LSR: variants seen among roughly 807,000 people sequenced by gnomAD.
LSR encodes the protein lipolysis-stimulated lipoprotein receptor.
Under a neutral mutation model 61.8 loss-of-function variants are expected in LSR, and 44 were observed. The ratio of observed to expected loss-of-function variants is 0.71; its 90% confidence interval spans 0.56 to 0.91. The LOEUF is 0.91. Ranked by LOEUF, LSR falls within the 40% of genes least tolerant of loss-of-function variation. LSR has a pLI of 0.00. For synonymous variants in LSR, 397 were observed against 350.6 expected (o/e 1.13, Z -1.48); for missense variants, 911 against 830.5 (o/e 1.10, Z -1.19).
chr19:35,249,157 T>C, intron 1 of LSR, 26 bp downstream of exon 1: 1 of 1,516,294 alleles, frequency 6.6e-7, no homozygotes, highest in Non-Finnish European at 8.8e-7. Flanking sequence ...CCTCTGACGC[T>C]GCGGAACGCC....
intron 3 of LSR, among the ~76,000 whole-genome samples, chr19:35,259,816 C>T (rs1315836859): frequency 2.6e-5 from 4 of 152,216 alleles, no homozygotes. Flanking sequence ...ATGGCACACA[C>T]ACTGTGTAAG....
At chr19:35,254,249 A>G (rs1180968649) in intron 2 of LSR, among the ~76,000 whole-genome samples, 2 of 152,092 alleles carry the variant, frequency 1.3e-5, no homozygotes, top group African/African-American at 4.8e-5. Context: ...GCACACCACC[A>G]CACCTGGCTA....
chr19:35,250,421 G>A lies in LSR; in HGVS notation c.216G>A (p.Thr72=), dbSNP rs202026383. The A allele has an allele frequency of 1.9e-6, 3 of 1,613,876 alleles. No individual in the cohort carries two copies. The highest frequency in any genetic ancestry group is 1.3e-5 in the African/African-American group (1 of 74,964). The change falls in exon 2 of 10, where the codon ACG becomes ACA. Residue 72 remains threonine, a synonymous_variant. Transcript: ENST00000605618. ...CCTACCAGATGACCTCGACCCCCAC[G>A]CAACCCATCGTCATCTGGAAGTACA... ...PCTYQMTSTP[T]QPIVIWKYKS...
chr19:35,267,297 T>C lies in LSR; in HGVS notation c.1333T>C (p.Ser445Pro). The C allele has an allele frequency of 6.5e-7, 1 of 1,538,066 alleles. No individual in the cohort carries two copies. The highest frequency in any genetic ancestry group is 8.8e-7 in the Non-Finnish European group (1 of 1,141,276). ...GWRARRPRAR[S>P]VDALDDLTPP... ...GCGGGCCAGGCGGCCCCGGGCCCGC[T>C]CCGTGGACGCCCTGGACGACCTCAC... Residue 445 changes from serine (S) to proline (P), a missense_variant, in exon 9 of 10, where the codon TCC becomes CCC. Transcript: ENST00000605618.
intron 8 of LSR, 44 bp downstream of exon 8, chr19:35,267,011 G>A (rs1395043196): frequency 2.5e-6 from 4 of 1,581,726 alleles, no homozygotes; most frequent in South Asian, 1.2e-5. Flanking sequence ...AGGTGGGGGG[G>A]TGAAACATGT....
At chr19:35,252,036 G>C (rs972895963) in intron 2 of LSR, among the ~76,000 whole-genome samples, 3 of 150,394 alleles carry the variant, frequency 2.0e-5, no homozygotes, top group Non-Finnish European at 4.4e-5. Context: ...GGGTTTCACC[G>C]TTTTAGCCGG....
chr19:35,257,900 G>C (rs1211289243), intron 2 of LSR, among the ~76,000 whole-genome samples: 1 of 152,126 alleles, frequency 6.6e-6, no homozygotes, highest in Non-Finnish European at 1.5e-5. Context: ...CCCAAGCCCT[G>C]GGCCTGACCT....
Position 35,267,585 on chromosome 19 carries a change from C to G in LSR, c.1621C>G (p.Arg541Gly), listed in dbSNP as rs151048240. ...GTCCGGGGACCTCCCCTATGATGGG[C>G]GGCTACTGGAGGAGGCTGTGAGGAA... Reference protein sequence around the residue: ...SRSGDLPYDGRLLEEAVRKKG... With the variant: ...SRSGDLPYDGGLLEEAVRKKG... The change falls in exon 9 of 10, where the codon CGG (arginine) becomes GGG (glycine). Residue 541 changes from arginine to glycine, a missense_variant. Physicochemically the swap from Arg to Gly is moderately radical, Grantham distance 125. Coordinates refer to ENST00000605618, the MANE Select transcript of LSR (RefSeq NM_205834.4). 1 of 1,611,930 alleles carries G rather than the reference C, an allele frequency of 6.2e-7. No homozygotes were observed. The highest frequency in any genetic ancestry group is 1.3e-5 in the African/African-American group (1 of 74,908).
In LSR at chr19:35,267,627, A is replaced by T; in HGVS notation, c.1663A>T (p.Arg555Trp). 3 of 1,611,930 alleles carry T rather than the reference A, an allele frequency of 1.9e-6. No individual in the cohort carries two copies. Among genetic ancestry groups the T allele is most frequent in the Non-Finnish European group, 2.5e-6 (3 of 1,179,364 alleles). ...TGTGAGGAAGAAGGGGTCGGAGGAGAGGAGGAGACCCCACAAGGAGGAGGA... is the reference window on the plus strand; with the variant it reads ...TGTGAGGAAGAAGGGGTCGGAGGAGTGGAGGAGACCCCACAAGGAGGAGGA... ...EAVRKKGSEE[R>W]RRPHKEEEEE... Residue 555 changes from arginine (R) to tryptophan (W), a missense_variant, in exon 9 of 10, where the codon AGG (arginine) becomes TGG (tryptophan). Arg to Trp is a moderately radical substitution (Grantham distance 101). Coordinates refer to ENST00000605618, the MANE Select transcript of LSR (RefSeq NM_205834.4).
At chr19:35,261,904 G>C in intron 3 of LSR, 21 bp from the exon 4 acceptor site, 2 of 1,439,802 alleles carry the variant, frequency 1.4e-6, no homozygotes, top group Non-Finnish European at 1.8e-6. Flanking sequence ...AGCATAATCT[G>C]TTTCTCTTTT....
chr19:35,250,027 A>G (rs2065769698), intron 1 of LSR, among the ~76,000 whole-genome samples: 2 of 152,156 alleles, frequency 1.3e-5, no homozygotes, highest in African/African-American at 4.8e-5. Flanking sequence ...GGCAAAGGGA[A>G]GAGGGGACTG....
chr19:35,260,291 CTTTTT>C (rs66534837), intron 3 of LSR, among the ~76,000 whole-genome samples: 2 of 114,000 alleles, frequency 1.8e-5, no homozygotes, highest in African/African-American at 3.3e-5. Flanking sequence ...GGAGATTTTC[CTTTTT>C]TTTTTTTTTT....
At position 35,266,729 on chromosome 19, in the gene LSR, G is replaced by GA; in HGVS notation, c.1003_1004insA (p.Val335AspfsTer4). The GA allele has an allele frequency of 6.2e-7, 1 of 1,608,706 alleles. No homozygotes were observed. The highest frequency in any genetic ancestry group is 8.5e-7 in the Non-Finnish European group (1 of 1,177,878). ...CCTGCTTCGGGACACGGACAGCAGT[G>GA]TGGCCTCTGGTGAGAATCCATCGTC... On this transcript the variant is annotated frameshift_variant, in exon 7 of 10. Transcript: ENST00000605618. LOFTEE classifies it high-confidence loss of function.
In LSR at chr19:35,267,555, T is replaced by A. The variant is rs2066035598; in HGVS notation, c.1591T>A (p.Ser531Thr). The change falls in exon 9 of 10, where the codon TCC (serine) becomes ACC (threonine). Residue 531 changes from serine (S) to threonine (T), a missense_variant. Transcript: ENST00000605618. ...TACCCGGGACCCTCGGGACAACGGC[T>A]CCAGGTCCGGGGACCTCCCCTATGA... ...HRTRDPRDNGSRSGDLPYDGR... is the reference protein window; with the variant it reads ...HRTRDPRDNGTRSGDLPYDGR... The A allele has an allele frequency of 1.2e-6, 2 of 1,612,056 alleles. No individual in the cohort carries two copies. Among genetic ancestry groups the A allele is most frequent in the African/African-American group, 2.7e-5 (2 of 74,876 alleles).
chr19:35,266,153 C>G (rs970040334), intron 5 of LSR, among the ~76,000 whole-genome samples: 2 of 152,188 alleles, frequency 1.3e-5, no homozygotes, highest in African/African-American at 4.8e-5. Flanking sequence ...GGGGTGGGGT[C>G]TCTGTGAAGC....
chr19:35,254,731 C>T (rs935452112), intron 2 of LSR, among the ~76,000 whole-genome samples: 2 of 152,226 alleles, frequency 1.3e-5, no homozygotes, highest in African/African-American at 4.8e-5. Flanking sequence ...CGACCTAAAA[C>T]AATGAAAGCA....
chr19:35,266,063 T>C (rs966508217), intron 5 of LSR, among the ~76,000 whole-genome samples: 1 of 152,220 alleles, frequency 6.6e-6, no homozygotes, highest in East Asian at 1.9e-4. Context: ...CGAATTACCA[T>C]GCTGTTAAAT....
At chr19:35,263,108 A>C (rs12984022) in intron 5 of LSR, 26,338 of 158,738 alleles carry the variant, frequency 0.17, 2,663 homozygotes, top group Middle Eastern at 0.22. Flanking sequence ...GGTAAAACCC[A>C]GTTCTCTACT....
intron 3 of LSR, 140 bp from the exon 4 acceptor site, chr19:35,261,785 T>G: frequency 2.0e-6 from 1 of 491,642 alleles, no homozygotes; most frequent in Non-Finnish European, 3.6e-6. Context: ...GTAGGAGCCA[T>G]GCACTAGGGC....
Sources: allele counts gnomAD v4.1 joint callset (sites outside exome capture counted in the v4.1 genomes callset), GRCh38; gene constraint gnomAD v4.1.1; transcripts MANE v1.5; gene names NCBI Gene and HGNC (gene_info 2026-07-23, HGNC 2026-07-21).